The following OSBPL8 variants were observed in gnomAD, a reference collection of about 807,000 sequenced individuals.
OSBPL8 encodes oxysterol binding protein like 8, also known as oxysterol-binding protein-related protein 8.
A neutral mutation model predicts 125.5 loss-of-function variants in OSBPL8; 59 were observed. The ratio of observed to expected loss-of-function variants is 0.47; its 90% confidence interval spans 0.38 to 0.58. OSBPL8 has a LOEUF of 0.58. Ranked by LOEUF, OSBPL8 falls within the 20% of genes least tolerant of loss-of-function variation. OSBPL8 has a pLI of 0.00. For synonymous variants in OSBPL8, 330 were observed against 338.9 expected (o/e 0.97, Z 0.29); for missense variants, 758 against 1,047.8 (o/e 0.72, Z 3.82).
chr12:76,433,974 CAAAAAAA>C (rs34241447), intron 4 of OSBPL8, among the ~76,000 whole-genome samples: 5 of 82,142 alleles, frequency 6.1e-5, no homozygotes, highest in South Asian at 4.8e-4. Flanking sequence ...GACTCCATCT[CAAAAAAA>C]AAAAAAAAAA....
intron 1 of OSBPL8, among the ~76,000 whole-genome samples, chr12:76,546,209 C>A (rs1950778801): frequency 1.3e-5 from 2 of 152,114 alleles, no homozygotes; most frequent in Admixed American, 1.3e-4. Flanking sequence ...CTAATTTCTA[C>A]TGTTTACTAT....
intron 1 of OSBPL8, among the ~76,000 whole-genome samples, chr12:76,547,327 A>G (rs771709954): frequency 3.3e-5 from 5 of 152,250 alleles, no homozygotes; most frequent in African/African-American, 7.2e-5. Flanking sequence ...TAGTATTCTA[A>G]GCTCAATCAA....
intron 12 of OSBPL8, 138 bp from the exon 13 acceptor site, chr12:76,386,798 T>G (rs771012414): frequency 6.9e-6 from 4 of 578,026 alleles, no homozygotes; most frequent in Non-Finnish European, 1.2e-5. Context: ...AACAACCATG[T>G]AATCAATTTT....
chr12:76,545,990 C>T (rs1950772264), intron 1 of OSBPL8, among the ~76,000 whole-genome samples: 1 of 151,984 alleles, frequency 6.6e-6, no homozygotes, highest in Non-Finnish European at 1.5e-5. Context: ...GGATTTTTTT[C>T]AGCCAAACAA....
intron 1 of OSBPL8, among the ~76,000 whole-genome samples, chr12:76,551,064 A>G (rs892488483): frequency 1.3e-5 from 2 of 152,020 alleles, no homozygotes; most frequent in African/African-American, 2.4e-5. Flanking sequence ...AAAAAATAAT[A>G]CAAACATATA....
At chr12:76,440,314 C>T (rs1271961831) in intron 4 of OSBPL8, among the ~76,000 whole-genome samples, 1 of 151,560 alleles carries the variant, frequency 6.6e-6, no homozygotes, top group African/African-American at 2.4e-5. Context: ...ATTTTTTTTT[C>T]ACATCCCCGC....
At chr12:76,491,527 T>C (rs1321862137) in intron 1 of OSBPL8, among the ~76,000 whole-genome samples, 5 of 152,240 alleles carry the variant, frequency 3.3e-5, no homozygotes, top group Non-Finnish European at 5.9e-5. Context: ...ATATAATCAA[T>C]AGAGTAGCCC....
chr12:76,512,282 T>C (rs964908736), intron 1 of OSBPL8, among the ~76,000 whole-genome samples: 3 of 152,240 alleles, frequency 2.0e-5, no homozygotes, highest in African/African-American at 7.2e-5. Context: ...GCTCCACCCA[T>C]GTTCTCACAA....
At chr12:76,416,825 A>G (rs1268601582) in intron 4 of OSBPL8, among the ~76,000 whole-genome samples, 1 of 151,896 alleles carries the variant, frequency 6.6e-6, no homozygotes, top group East Asian at 1.9e-4. Context: ...CTTATTTTGG[A>G]CTTTCTATTT....
At chr12:76,536,816 C>CAAAA (rs36035843) in intron 1 of OSBPL8, among the ~76,000 whole-genome samples, 7 of 91,098 alleles carry the variant, frequency 7.7e-5, no homozygotes, top group African/African-American at 1.5e-4. Context: ...ATAGGAGTAT[C>CAAAA]AAAAAAAAAA....
intron 2 of OSBPL8, among the ~76,000 whole-genome samples, chr12:76,460,749 CTGGTAGAAACAGAG>C (rs1484286295): frequency 6.6e-6 from 1 of 152,166 alleles, no homozygotes; most frequent in Non-Finnish European, 1.5e-5. Context: ...TGCTTTGGTT[CTGGTAGAAACAGAG>C]TTCTCAGCTC....
chr12:76,526,635 C>CTCTTTTTTTTT (rs1950182557), intron 1 of OSBPL8, among the ~76,000 whole-genome samples: 3 of 64,246 alleles, frequency 4.7e-5, no homozygotes, highest in African/African-American at 1.6e-4. Flanking sequence ...CAGTAAATCT[C>CTCTTTTTTTTT]TTTTTTTTTT....
chr12:76,454,920 T>C (rs1335620965), intron 3 of OSBPL8, among the ~76,000 whole-genome samples: 1 of 152,006 alleles, frequency 6.6e-6, no homozygotes, highest in Non-Finnish European at 1.5e-5. Context: ...TCATGCCCTC[T>C]TGGGGCAGGC....
chr12:76,494,406 T>C (rs555399533), intron 1 of OSBPL8, among the ~76,000 whole-genome samples: 4 of 152,320 alleles, frequency 2.6e-5, no homozygotes, highest in Admixed American at 1.3e-4. Context: ...CAACATGATC[T>C]GAGATTTTTA....
chr12:76,458,620 G>C (rs1874343244), intron 3 of OSBPL8, among the ~76,000 whole-genome samples: 1 of 151,892 alleles, frequency 6.6e-6, no homozygotes, highest in South Asian at 2.1e-4. Flanking sequence ...AGAAGTTCAA[G>C]GTTGCATGAG....
intron 1 of OSBPL8, among the ~76,000 whole-genome samples, chr12:76,533,941 C>G (rs909316548): frequency 1.3e-5 from 2 of 152,004 alleles, no homozygotes; most frequent in African/African-American, 4.8e-5. Context: ...ATCGGAAAGA[C>G]CAAAAATACA....
intron 2 of OSBPL8, among the ~76,000 whole-genome samples, chr12:76,467,417 T>C (rs1875589474): frequency 6.6e-6 from 1 of 152,222 alleles, no homozygotes; most frequent in African/African-American, 2.4e-5. Context: ...CCTATATGTT[T>C]GGACATTATT....
At chr12:76,446,978 AC>A (rs1226947703) in intron 4 of OSBPL8, among the ~76,000 whole-genome samples, 3 of 152,202 alleles carry the variant, frequency 2.0e-5, no homozygotes, top group African/African-American at 4.8e-5. Context: ...CACACAGCCT[AC>A]CTTTTCTGTA....
At chr12:76,371,392 A>T in intron 19 of OSBPL8, 56 bp downstream of exon 19, 1 of 1,484,212 alleles carries the variant, frequency 6.7e-7, no homozygotes, top group South Asian at 1.5e-5. Context: ...ATCATTAAGG[A>T]ATTGAAAAAC....
Sources: gnomAD v4.1 joint callset for allele counts (sites outside exome capture counted in the v4.1 genomes callset) on GRCh38, gnomAD v4.1.1 for gene constraint, MANE v1.5 for transcripts, NCBI Gene and HGNC (gene_info 2026-07-23, HGNC 2026-07-21) for gene names.